CD96: variants seen among roughly 807,000 people sequenced by gnomAD.
CD96 encodes CD96 molecule.
CD96 carries 70 observed loss-of-function variants against 71.3 expected under a neutral mutation model. The ratio of observed to expected loss-of-function variants is 0.98; its 90% confidence interval spans 0.81 to 1.20. CD96 has a LOEUF of 1.20. Ranked by LOEUF, CD96 falls within the 50% of genes most tolerant of loss-of-function variation. CD96 has a pLI of 0.00. For synonymous variants in CD96, 248 were observed against 233.0 expected (o/e 1.06, Z -0.59); for missense variants, 742 against 677.5 (o/e 1.10, Z -1.06).
intron 11 of CD96, 45 bp from the exon 12 acceptor site, chr3:111,638,034 A>T: frequency 9.7e-7 from 1 of 1,031,948 alleles, no homozygotes; most frequent in Non-Finnish European, 1.5e-6. Flanking sequence ...ATACCACTTG[A>T]TCAAGTTGAG....
chr3:111,592,731 C>T (rs932323892), intron 5 of CD96, among the ~76,000 whole-genome samples: 1 of 152,130 alleles, frequency 6.6e-6, no homozygotes, highest in East Asian at 1.9e-4. Flanking sequence ...CTTTGACAAA[C>T]CTTAATATGA....
intron 14 of CD96, among the ~76,000 whole-genome samples, chr3:111,663,172 T>C (rs1940397568): frequency 6.6e-6 from 1 of 152,152 alleles, no homozygotes; most frequent in Non-Finnish European, 1.5e-5. Flanking sequence ...AAGTGAGTAG[T>C]ACTTTTTTGC....
intron 14 of CD96, among the ~76,000 whole-genome samples, chr3:111,664,197 A>C (rs1241462435): frequency 4.5e-5 from 1 of 22,132 alleles, no homozygotes; most frequent in African/African-American, 9.3e-5. Flanking sequence ...TACTACCAAA[A>C]AGACGTGCAA....
At chr3:111,561,586 G>A (rs1192451760) in intron 2 of CD96, among the ~76,000 whole-genome samples, 2 of 145,864 alleles carry the variant, frequency 1.4e-5, no homozygotes, top group Non-Finnish European at 3.1e-5. Flanking sequence ...CCAGCTGCGT[G>A]CTGGGAGAAC....
At chr3:111,618,957 A>ATAGTAGG (rs1351278599) in intron 8 of CD96, among the ~76,000 whole-genome samples, 1 of 152,086 alleles carries the variant, frequency 6.6e-6, no homozygotes, top group Non-Finnish European at 1.5e-5. Context: ...TATTTGGCAT[A>ATAGTAGG]TAGTAGGTCC....
In CD96 at chr3:111,649,803, C is replaced by T. The variant is rs768601619; in HGVS notation, c.1707C>T (p.Leu569=). Residue 569 remains leucine (L), a synonymous_variant, in exon 14 of 14, where the codon CTC becomes CTT. Coordinates refer to ENST00000352690, the MANE Select transcript of CD96 (RefSeq NM_005816.5). ...SDLPYHEMET[L] ...TGCCTTATCATGAGATGGAGACCCT[C>T]TAGTCTCGTGAGACTTTGCCCCATG... 11 of 1,579,954 alleles carry T rather than the reference C, an allele frequency of 7.0e-6. 1 individual carries two copies. In the South Asian group the frequency reaches 1.2e-4, roughly 17 times the overall value.
intron 2 of CD96, among the ~76,000 whole-genome samples, chr3:111,546,919 T>TACACACACACACACACACACAC (rs60838213): frequency 0.14 from 19,850 of 137,638 alleles, 2,094 homozygotes; most frequent in Non-Finnish European, 0.2. Context: ...CACAGACACA[T>TACACACACACACACACACACAC]ACACACACAC....
At chr3:111,565,485 T>C (rs1935664165) in intron 2 of CD96, among the ~76,000 whole-genome samples, 1 of 152,022 alleles carries the variant, frequency 6.6e-6, no homozygotes, top group Non-Finnish European at 1.5e-5. Context: ...ATAACTAACA[T>C]ATTTGGATTG....
intron 5 of CD96, among the ~76,000 whole-genome samples, chr3:111,597,517 G>A (rs73228199): frequency 0.11 from 16,479 of 152,090 alleles, 1,084 homozygotes; most frequent in Non-Finnish European, 0.14. Context: ...GAACCACTGG[G>A]TGCCTTGATT....
intron 3 of CD96, among the ~76,000 whole-genome samples, chr3:111,573,511 A>G (rs1174388677): frequency 6.6e-6 from 1 of 152,252 alleles, no homozygotes; most frequent in African/African-American, 2.4e-5. Flanking sequence ...AGACAGACAT[A>G]TACTACACCA....
chr3:111,654,354 A>G (rs1246201351), downstream of CD96, among the ~76,000 whole-genome samples: 2 of 152,232 alleles, frequency 1.3e-5, no homozygotes, highest in African/African-American at 4.8e-5. Context: ...CCAGGAAGGC[A>G]TGACCAGAAA....
chr3:111,598,207 G>GAA lies in CD96; in HGVS notation c.896_897dup (p.Gly300LysfsTer19). The GAA allele has an allele frequency of 1.6e-6, 2 of 1,274,772 alleles. No individual in the cohort carries two copies. Among genetic ancestry groups the GAA allele is most frequent in the Non-Finnish European group, 2.3e-6 (2 of 871,216 alleles). The allele number at this position is 1,274,772 out of a possible 1,614,324, so 79.0% of individuals were successfully genotyped here. A position where few individuals can be genotyped will look rare whatever the true frequency, so the allele number is the denominator to read the frequency against. ...TGGAAGTTTTCTTCATGATGAAAAA[G>GAA]AAGGTAAGGAAACTAATCAATGGAA... On this transcript the variant is annotated frameshift_variant, in exon 6 of 14. Coordinates refer to ENST00000352690, the MANE Select transcript of CD96 (RefSeq NM_005816.5). LOFTEE classifies it high-confidence loss of function.
chr3:111,555,758 G>A (rs4682050), intron 2 of CD96, among the ~76,000 whole-genome samples: 10 of 152,092 alleles, frequency 6.6e-5, no homozygotes, highest in Non-Finnish European at 1.3e-4. Flanking sequence ...TTCAGGTTTT[G>A]TTAAAGTTCT....
chr3:111,607,121 T>G, intron 8 of CD96: 1 of 307,200 alleles, frequency 3.3e-6, no homozygotes, highest in Non-Finnish European at 6.2e-6. Flanking sequence ...TTAACATAGC[T>G]TCCAAAATCC....
chr3:111,567,788 A>G lies in CD96; in HGVS notation c.543+141A>G, dbSNP rs1043757321. ...CCAGTGGTGGGAAGAGGGGTAGGGAAGGAAGGAGAGGTCACTCAGATTCCT... is the reference window on the plus strand; with the variant it reads ...CCAGTGGTGGGAAGAGGGGTAGGGAGGGAAGGAGAGGTCACTCAGATTCCT... On this transcript the variant is annotated intron_variant, in intron 3 of 13. Transcript: ENST00000352690. 4 of 765,144 alleles carry G rather than the reference A, an allele frequency of 5.2e-6. No homozygotes were observed. In the Admixed American group the frequency reaches 7.8e-5, roughly 15 times the overall value. 47.4% of individuals were successfully genotyped at this position (765,144 alleles called of 1,614,324 possible). A position where few individuals can be genotyped will look rare whatever the true frequency, so the allele number is the denominator to read the frequency against.
intron 5 of CD96, among the ~76,000 whole-genome samples, chr3:111,588,744 A>G (rs1345722900): frequency 1.3e-5 from 2 of 152,170 alleles, no homozygotes; most frequent in African/African-American, 4.8e-5. Flanking sequence ...GTTACCTCTC[A>G]CTGGGAGTTC....
intron 1 of CD96, among the ~76,000 whole-genome samples, chr3:111,542,907 T>C (rs1934179631): frequency 6.6e-6 from 1 of 152,242 alleles, no homozygotes; most frequent in African/African-American, 2.4e-5. Flanking sequence ...AGATTAGTTC[T>C]GTATTCCACA....
Position 111,585,667 on chromosome 3 carries a change from G to C in CD96, c.807+289G>C, listed in dbSNP as rs373104010. ...CTTCTCTTTTATAAAAATTCAGGTG[G>C]ATAGTGAGGACAAAGTAGGGCAGAA... On this transcript the variant is annotated intron_variant, in intron 5 of 13. Transcript: ENST00000352690. 2.0e-5 allele frequency among the ~76,000 whole-genome samples: 3 copies of C among 152,184 alleles called. No individual in the cohort carries two copies. The East Asian group carries it at 5.8e-4, about 29-fold the overall frequency.
At chr3:111,598,061 G>T (rs1029940741) in intron 5 of CD96, 59 bp from the exon 6 acceptor site, 51 of 800,812 alleles carry the variant, frequency 6.4e-5, no homozygotes, top group Non-Finnish European at 1.1e-4. Context: ...TTAGTAAGTT[G>T]TAAGGAGTAC....
Sources: gnomAD v4.1 joint callset for allele counts (sites outside exome capture counted in the v4.1 genomes callset) on GRCh38, gnomAD v4.1.1 for gene constraint, MANE v1.5 for transcripts, NCBI Gene and HGNC (gene_info 2026-07-23, HGNC 2026-07-21) for gene names.